Variants in SNX29 observed in about 807,000 individuals in gnomAD.
The protein encoded by SNX29 is sorting nexin-29.
In SNX29, 78 loss-of-function variants were observed where a neutral mutation model predicts 102.1. The ratio of observed to expected loss-of-function variants is 0.76; its 90% CI spans 0.64 to 0.92. The LOEUF is 0.92. Ranked by LOEUF, SNX29 falls within the 40% of genes least tolerant of loss-of-function variation. The pLI is 0.00. For synonymous variants in SNX29, 580 were observed against 414.5 expected, an observed-to-expected ratio of 1.40 and a Z score of -4.85; for missense variants, 1,280 against 1,061.7, an observed-to-expected ratio of 1.21 and a Z score of -2.86.
At chr16:12,364,206 A>ATGTTATGTTG (rs931606827) in intron 16 of SNX29, among the ~76,000 whole-genome samples, 5 of 149,870 alleles carry the variant, frequency 3.3e-5, no homozygotes, top group African/African-American at 1.2e-4. Flanking sequence ...ATGTTATGTT[A>ATGTTATGTTG]TGTTATGTTA....
At chr16:12,135,779 C>G in intron 13 of SNX29, 1 of 421,430 alleles carries the variant, frequency 2.4e-6, no homozygotes, top group Admixed American at 3.7e-5. Context: ...CATAAGAGTC[C>G]TGACTGAAGA....
intron 3 of SNX29, among the ~76,000 whole-genome samples, chr16:12,024,361 G>T (rs1360151440): frequency 1.3e-5 from 2 of 152,022 alleles, no homozygotes; most frequent in African/African-American, 4.8e-5. Flanking sequence ...GGCCAGGCTG[G>T]TCTTGAACTC....
intron 15 of SNX29, among the ~76,000 whole-genome samples, chr16:12,325,466 C>G (rs1405846595): frequency 6.6e-6 from 1 of 152,092 alleles, no homozygotes; most frequent in Non-Finnish European, 1.5e-5. Context: ...TGGGAAAAAA[C>G]TACATTTAAG....
At chr16:12,275,084 A>T (rs1266785713) in intron 14 of SNX29, among the ~76,000 whole-genome samples, 2 of 152,136 alleles carry the variant, frequency 1.3e-5, no homozygotes, top group East Asian at 3.9e-4. Flanking sequence ...TGATTTCTAG[A>T]TGTCTACTCA....
rs1464266226 is a variant in SNX29 at position 12,364,057 on chromosome 16, A to G, written c.1899+7778A>G. 3.3e-5 allele frequency among the ~76,000 whole-genome samples: 5 copies of G among 152,150 alleles called. No homozygotes were observed. The East Asian group carries it at 5.8e-4, about 18-fold the overall frequency. On this transcript the variant is annotated intron_variant, in intron 16 of 20. Transcript: ENST00000566228. ...GCCCAGGCTGGAGTGCAGTGGCACC[A>G]TCATAGCTCGGTGTAACCTCAAACT...
Position 12,199,620 on chromosome 16 carries a change from G to A in SNX29, c.1615G>A (p.Val539Ile), listed in dbSNP as rs774662346. The change falls in exon 14 of 21, where the codon GTC (valine) becomes ATC (isoleucine). Residue 539 changes from valine (V) to isoleucine (I), a missense_variant. By Grantham distance (29) the Val-to-Ile change is conservative (BLOSUM62 3). Transcript: ENST00000566228. ...ALARENEVLKVQLKKYVGAVQ... is the reference protein window; with the variant it reads ...ALARENEVLKIQLKKYVGAVQ... ...CTGCAGAGAGAACGAGGTGCTCAAA[G>A]TCCAACTGAAGAAATATGTAGGAGC... The A allele has an allele frequency of 8.1e-6, 13 of 1,612,914 alleles. No individual in the cohort carries two copies. Among genetic ancestry groups the A allele is most frequent in the Admixed American group, 1.7e-5 (1 of 59,924 alleles).
intron 11 of SNX29, among the ~76,000 whole-genome samples, chr16:12,110,931 C>G (rs1476681715): frequency 6.6e-6 from 1 of 152,092 alleles, no homozygotes; most frequent in Non-Finnish European, 1.5e-5. Flanking sequence ...TCAAGCGACC[C>G]TCCTGGCTCA....
chr16:12,067,761 T>A (rs1381555943), intron 9 of SNX29, among the ~76,000 whole-genome samples: 4 of 152,338 alleles, frequency 2.6e-5, no homozygotes, highest in African/African-American at 7.2e-5. Flanking sequence ...GTGGTGGGAT[T>A]ACAGGCGTGA....
intron 19 of SNX29, among the ~76,000 whole-genome samples, chr16:12,483,129 T>G (rs953535824): frequency 7.5e-6 from 1 of 134,180 alleles, no homozygotes; most frequent in South Asian, 2.6e-4. Flanking sequence ...TTTTTTTTTT[T>G]TTTTTTTTTT....
intron 14 of SNX29, among the ~76,000 whole-genome samples, chr16:12,230,748 C>T (rs1163742615): frequency 6.6e-6 from 1 of 152,126 alleles, no homozygotes; most frequent in East Asian, 1.9e-4. Context: ...CACCTAGAAA[C>T]TATTTGGGCT....
chr16:11,994,332 T>C (rs1596545686), intron 1 of SNX29, among the ~76,000 whole-genome samples: 1 of 152,204 alleles, frequency 6.6e-6, no homozygotes. Flanking sequence ...AAAAGAAGCC[T>C]GTTCTTGTTC....
At chr16:12,556,203 A>G (rs941754912) in intron 20 of SNX29, 1 of 152,110 alleles carries the variant, frequency 6.6e-6, no homozygotes, top group Non-Finnish European at 1.5e-5. Flanking sequence ...CTGAAATGCA[A>G]CCTAGGGTCT....
At chr16:12,276,845 C>T (rs931558059) in intron 14 of SNX29, among the ~76,000 whole-genome samples, 10 of 152,142 alleles carry the variant, frequency 6.6e-5, no homozygotes, top group African/African-American at 9.7e-5. Flanking sequence ...TACTCAGAGC[C>T]GTTTGTGTGC....
At chr16:12,200,009 G>T (rs969712650) in intron 14 of SNX29, among the ~76,000 whole-genome samples, 7 of 152,088 alleles carry the variant, frequency 4.6e-5, no homozygotes, top group Admixed American at 2.0e-4. Context: ...AGCAGGCCAC[G>T]GGTGCAAGCA....
intron 3 of SNX29, among the ~76,000 whole-genome samples, chr16:12,023,712 AG>A (rs1487097042): frequency 6.6e-6 from 1 of 152,216 alleles, no homozygotes; most frequent in Non-Finnish European, 1.5e-5. Context: ...TTCCCATATA[AG>A]ATGGGAAGCA....
At chr16:12,032,687 C>T (rs969140800) in intron 4 of SNX29, among the ~76,000 whole-genome samples, 1 of 151,948 alleles carries the variant, frequency 6.6e-6, no homozygotes, top group African/African-American at 2.4e-5. Context: ...GGCATACACC[C>T]AGAAGGACAA....
At chr16:12,506,378 A>G (rs772337476) in intron 19 of SNX29, among the ~76,000 whole-genome samples, 18 of 152,178 alleles carry the variant, frequency 1.2e-4, no homozygotes, top group Non-Finnish European at 2.2e-4. Context: ...TCTGTCCCCA[A>G]CTACTTGGTC....
At chr16:12,131,205 G>T (rs2054452868) in intron 13 of SNX29, among the ~76,000 whole-genome samples, 1 of 152,252 alleles carries the variant, frequency 6.6e-6, no homozygotes, top group African/African-American at 2.4e-5. Flanking sequence ...GGTGGAAATG[G>T]TGCTGGCAGA....
chr16:12,548,772 C>T (rs1597916031), intron 20 of SNX29, among the ~76,000 whole-genome samples: 1 of 152,202 alleles, frequency 6.6e-6, no homozygotes, highest in African/African-American at 2.4e-5. Context: ...TCTCATCCCC[C>T]AGCCACCACA....
Sources: gnomAD v4.1 joint callset for allele counts (sites outside exome capture counted in the v4.1 genomes callset) on GRCh38, gnomAD v4.1.1 for gene constraint, MANE v1.5 for transcripts, NCBI Gene and HGNC (gene_info 2026-07-23, HGNC 2026-07-21) for gene names.